AFF3: variants seen among roughly 807,000 people sequenced by gnomAD.
The protein encoded by AFF3 is ALF transcription elongation factor 3, also known as AF4/FMR2 family member 3.
Under a neutral mutation model 129.7 loss-of-function variants are expected in AFF3, and 32 were observed. The ratio of observed to expected loss-of-function variants is 0.25; its 90% CI spans 0.19 to 0.33. AFF3 has a LOEUF of 0.33. AFF3 is among the 10% of genes least tolerant of loss of function. AFF3 has a pLI of 1.00. For synonymous variants in AFF3, 644 were observed against 635.4 expected (o/e 1.01, Z -0.20); for missense variants, 1,373 against 1,592.0 (o/e 0.86, Z 2.34).
intron 7 of AFF3, among the ~76,000 whole-genome samples, chr2:99,866,638 G>A (rs1691422573): frequency 2.0e-5 from 3 of 152,112 alleles, no homozygotes; most frequent in Non-Finnish European, 2.9e-5. Flanking sequence ...TCTGGGTCAC[G>A]CTGGGTCATG....
intron 8 of AFF3, among the ~76,000 whole-genome samples, chr2:99,768,582 TA>T (rs1375256375): frequency 6.6e-6 from 1 of 152,264 alleles, no homozygotes; most frequent in Non-Finnish European, 1.5e-5. Context: ...TACTTACTGT[TA>T]CCAGTGAGTT....
At position 99,842,403 on chromosome 2, in the gene AFF3, T is replaced by A. The variant is rs140541626; in HGVS notation, c.874-4879A>T. ...TTGCTTTCCTTGGAAAGGTACCCAC[T>A]GAGAAGGAAGGCTGCACAATGCACA... On this transcript the variant is annotated intron_variant, in intron 7 of 24. Transcript: ENST00000672756. Among the ~76,000 whole-genome samples, 437 of 152,346 alleles carry A rather than the reference T, an allele frequency of 2.9e-3. 4 individuals carry two copies. Among genetic ancestry groups the A allele is most frequent in the African/African-American group, 0.01 (423 of 41,580 alleles).
intron 7 of AFF3, among the ~76,000 whole-genome samples, chr2:99,883,587 A>G (rs1265438670): frequency 6.6e-6 from 1 of 152,254 alleles, no homozygotes; most frequent in Non-Finnish European, 1.5e-5. Flanking sequence ...GAACTACTAC[A>G]TTCCTCAAAG....
intron 7 of AFF3, among the ~76,000 whole-genome samples, chr2:99,855,213 T>C (rs1326510596): frequency 6.6e-6 from 1 of 152,084 alleles, no homozygotes; most frequent in African/African-American, 2.4e-5. Context: ...TTCTTTTGGG[T>C]GTGATGGAAA....
chr2:99,561,568 G>T (rs1481346849), intron 20 of AFF3, among the ~76,000 whole-genome samples: 2 of 152,088 alleles, frequency 1.3e-5, no homozygotes, highest in Non-Finnish European at 2.9e-5. Flanking sequence ...TGTAGCAGTG[G>T]GGTCTTACTA....
intron 8 of AFF3, among the ~76,000 whole-genome samples, chr2:99,817,958 T>A (rs1687370729): frequency 6.6e-6 from 1 of 152,220 alleles, no homozygotes; most frequent in African/African-American, 2.4e-5. Context: ...TGCCTTTGCC[T>A]TCTTATGAAG....
chr2:99,896,770 G>A (rs1033619378), intron 7 of AFF3, among the ~76,000 whole-genome samples: 40 of 151,220 alleles, frequency 2.6e-4, no homozygotes, highest in African/African-American at 9.7e-4. Flanking sequence ...CCACTAGCTG[G>A]GACTACAGGC....
chr2:99,972,129 A>G (rs542557370), intron 7 of AFF3, among the ~76,000 whole-genome samples: 3 of 152,214 alleles, frequency 2.0e-5, no homozygotes, highest in East Asian at 1.9e-4. Flanking sequence ...GCAGGGGACT[A>G]TAAGATTAGG....
intron 16 of AFF3, among the ~76,000 whole-genome samples, chr2:99,583,329 C>CAAGT (rs1677766794): frequency 2.0e-5 from 3 of 152,186 alleles, no homozygotes; most frequent in Admixed American, 1.3e-4. Context: ...GTTTTCCTAA[C>CAAGT]AAGCATAAGG....
chr2:99,798,468 AAAT>A (rs760471274), intron 8 of AFF3, among the ~76,000 whole-genome samples: 6 of 151,944 alleles, frequency 3.9e-5, no homozygotes, highest in Non-Finnish European at 7.4e-5. Flanking sequence ...GATAAATAAT[AAAT>A]AATATATGTA....
chr2:99,827,766 C>T (rs1688202346), intron 8 of AFF3, among the ~76,000 whole-genome samples: 1 of 151,832 alleles, frequency 6.6e-6, no homozygotes, highest in African/African-American at 2.4e-5. Flanking sequence ...AGCAGAGAGG[C>T]AGAGGTTAGA....
At chr2:99,728,547 A>C (rs771902354) in intron 10 of AFF3, among the ~76,000 whole-genome samples, 3 of 152,256 alleles carry the variant, frequency 2.0e-5, no homozygotes, top group African/African-American at 7.2e-5. Context: ...AGCAAACTTT[A>C]TATGTCCTTC....
chr2:99,966,249 A>G (rs1677734935), intron 7 of AFF3, among the ~76,000 whole-genome samples: 1 of 152,158 alleles, frequency 6.6e-6, no homozygotes, highest in Non-Finnish European at 1.5e-5. Context: ...GTTTGTACTT[A>G]AAGATAAAGT....
At chr2:99,919,408 G>C (rs192959585) in intron 7 of AFF3, among the ~76,000 whole-genome samples, 7 of 151,952 alleles carry the variant, frequency 4.6e-5, no homozygotes, top group Admixed American at 2.0e-4. Context: ...ATGGGTTGTC[G>C]AATACGGGAT....
intron 4 of AFF3, among the ~76,000 whole-genome samples, chr2:100,056,061 TCTCACACACA>T (rs1456419352): frequency 1.9e-4 from 26 of 133,528 alleles, no homozygotes; most frequent in African/African-American, 5.9e-4. Flanking sequence ...GCTGTCTCTC[TCTCACACACA>T]CACACACACA....
intron 4 of AFF3, among the ~76,000 whole-genome samples, chr2:100,015,402 G>T (rs988948274): frequency 2.6e-4 from 40 of 152,130 alleles, no homozygotes; most frequent in African/African-American, 9.4e-4. Context: ...GCATGGACCT[G>T]GAGCCATGAG....
chr2:99,713,897 C>A (rs1678141800), intron 11 of AFF3, among the ~76,000 whole-genome samples: 1 of 151,914 alleles, frequency 6.6e-6, no homozygotes, highest in Non-Finnish European at 1.5e-5. Context: ...GATGGGGTTT[C>A]ACCATGTTGG....
intron 13 of AFF3, among the ~76,000 whole-genome samples, chr2:99,648,917 A>ACACACACACACACACACTCTCTCTCT: frequency 1.5e-4 from 7 of 46,934 alleles, no homozygotes; most frequent in Non-Finnish European, 2.3e-4. Context: ...ACACACACAC[A>ACACACACACACACACACTCTCTCTCT]CTCTCTCTCT....
chr2:99,977,547 T>A (rs1423614975), intron 7 of AFF3, among the ~76,000 whole-genome samples: 1 of 152,262 alleles, frequency 6.6e-6, no homozygotes, highest in Admixed American at 6.5e-5. Context: ...CACTCCTTTT[T>A]CCTTCTTGAG....
Sources: gnomAD v4.1 joint callset for allele counts (sites outside exome capture counted in the v4.1 genomes callset) on GRCh38, gnomAD v4.1.1 for gene constraint, MANE v1.5 for transcripts, NCBI Gene and HGNC (gene_info 2026-07-23, HGNC 2026-07-21) for gene names.